Variants in PSMD2 observed in about 807,000 individuals in gnomAD.
The protein encoded by PSMD2 is proteasome 26S subunit ubiquitin receptor, non-ATPase 2.
In PSMD2, 8 loss-of-function variants were observed where a neutral mutation model predicts 101.5. The observed-to-expected ratio is 0.08, with a 90% CI of 0.05 to 0.14. The LOEUF is 0.14. Among genes scored for constraint, PSMD2 ranks in the 10% least tolerant of loss-of-function variants. The probability of loss-of-function intolerance (pLI) is 1.00; values close to 1 mark genes in which losing one functional copy is unlikely to be tolerated. For missense variants in PSMD2, 784 were observed against 1,147.4 expected (o/e 0.68, Z 4.58); for synonymous variants, 418 against 433.8 (o/e 0.96, Z 0.45).
At position 184,304,295 on chromosome 3, in the gene PSMD2, C is replaced by T. The variant is rs755631991; in HGVS notation, c.1452-9C>T. 1 of 1,614,064 alleles carries T rather than the reference C, an allele frequency of 6.2e-7. No individual in the cohort carries two copies. The highest frequency in any genetic ancestry group is 1.3e-5 in the African/African-American group (1 of 75,042). ...TGTGTTGGGGACCGCCTTTCCATGGCTTTTGCAGGCTAGGCTTGGCTTATG... is the reference window on the plus strand; with the variant it reads ...TGTGTTGGGGACCGCCTTTCCATGGTTTTTGCAGGCTAGGCTTGGCTTATG... On this transcript the variant is annotated splice_polypyrimidine_tract_variant and intron_variant, in intron 11 of 20. Coordinates refer to ENST00000310118, the MANE Select transcript of PSMD2 (RefSeq NM_002808.5). The surrounding 1 kb of genome is among the most constrained non-coding windows in gnomAD (Gnocchi z 4.1).
chr3:184,299,384 G>A lies in PSMD2; in HGVS notation c.118G>A (p.Asp40Asn), dbSNP rs905447773. 7.8e-5 allele frequency: 109 copies of A among 1,400,170 alleles called. No homozygotes were observed. The Admixed American group carries it at 8.1e-4, about 10-fold the overall frequency. The allele number at this position is 1,400,170 out of a possible 1,614,324, so 86.7% of individuals were successfully genotyped here. ...GGAGCGGCGGGATGCCGGGGACAAGGACAAAGAACAGGAGCTGGTGAGGCG... is the reference window on the plus strand; with the variant it reads ...GGAGCGGCGGGATGCCGGGGACAAGAACAAAGAACAGGAGCTGGTGAGGCG... The part of the protein sequence containing the change: ...GKERRDAGDK[D>N]KEQELSEEDK... The change falls in exon 1 of 21, where the codon GAC becomes AAC. Residue 40 changes from aspartate to asparagine, a missense_variant. By Grantham distance (23) the Asp-to-Asn change is conservative. This residue lies in a region of PSMD2 where 196 missense variants were observed against 182.4 expected (regional missense o/e 1.07). Transcript: ENST00000310118.
In PSMD2 at chr3:184,308,997, G is replaced by A. The variant is rs1721943989; in HGVS notation, c.*107G>A. ...ACTTCTGGGGGAATTGTCGCCTCCT[G>A]CTCTTTTGTTACTGAGTGAGATAAG... On this transcript the variant is annotated 3_prime_UTR_variant, in exon 21 of 21. Transcript: ENST00000310118. This position sits in a 1 kb window ranked among gnomAD's most constrained non-coding sequence, Gnocchi z 6.0. The A allele has an allele frequency of 8.5e-7, 1 of 1,179,436 alleles. No individual in the cohort carries two copies. Among genetic ancestry groups the A allele is most frequent in the Admixed American group, 2.2e-5 (1 of 44,602 alleles). 73.1% of individuals were successfully genotyped at this position (1,179,436 alleles called of 1,614,324 possible).
chr3:184,299,566 G>C (rs1721573036), intron 1 of PSMD2, 165 bp downstream of exon 1: 1 of 1,022,244 alleles, frequency 9.8e-7, no homozygotes, highest in Admixed American at 3.4e-5. Context: ...CTCATTCTCC[G>C]TTCCGCGCTG....
At chr3:184,305,479 C>A (rs1721799866) in intron 12 of PSMD2, among the ~76,000 whole-genome samples, 1 of 128,764 alleles carries the variant, frequency 7.8e-6, no homozygotes. Flanking sequence ...TAGAGCGAGA[C>A]TCTGTCTCAA....
At chr3:184,305,431 G>A (rs994945782) in intron 12 of PSMD2, among the ~76,000 whole-genome samples, 1 of 151,482 alleles carries the variant, frequency 6.6e-6, no homozygotes, top group African/African-American at 2.4e-5. Flanking sequence ...GGAGGTTGCG[G>A]TGAGCCAAAA....
chr3:184,302,019 G>C lies in PSMD2; in HGVS notation c.652G>C (p.Glu218Gln), dbSNP rs1273042885. The C allele has an allele frequency of 6.2e-7, 1 of 1,614,238 alleles. No homozygotes were observed. ...LMEIEQVDML[E>Q]KDIDENAYAK... ...GGAAATTGAGCAGGTGGACATGCTG[G>C]AGAAGGACATTGATGAAAATGCATA... The change falls in exon 5 of 21, where the codon GAG becomes CAG. Residue 218 changes from glutamate (E) to glutamine (Q), a missense_variant. Transcript: ENST00000310118.
rs769543169 is a variant in PSMD2, at chr3:184,307,873, C to T, written c.2299-17C>T. The T allele has an allele frequency of 3.1e-6, 5 of 1,613,900 alleles. No individual in the cohort carries two copies. The highest frequency in any genetic ancestry group is 1.7e-5 in the Admixed American group (1 of 59,990). On this transcript the variant is annotated splice_polypyrimidine_tract_variant and intron_variant, in intron 18 of 20. Coordinates refer to ENST00000310118, the MANE Select transcript of PSMD2 (RefSeq NM_002808.5). ...CAGTGGTAACTCCTCACCTCTACTT[C>T]CCTCTGTTTTTTTCAGGGCCTGACA...
Position 184,306,407 on chromosome 3 carries a change from A to T in PSMD2, c.1862A>T (p.Asp621Val). 6.2e-7 allele frequency: 1 copy of T among 1,614,108 alleles called. No individual in the cohort carries two copies. Among genetic ancestry groups the T allele is most frequent in the African/African-American group, 1.3e-5 (1 of 75,022 alleles). Residue 621 changes from aspartate (D) to valine (V), a missense_variant, in exon 15 of 21, where the codon GAC becomes GTC. Asp to Val is a radical substitution (Grantham distance 152, BLOSUM62 -3). Around this residue, in one of 6 missense-constraint regions of PSMD2, gnomAD observed 282 missense variants for 437.6 expected, o/e 0.64. Coordinates refer to ENST00000310118, the MANE Select transcript of PSMD2 (RefSeq NM_002808.5). ...CTCCACATTTGTAGCGAACACTTTG[A>T]CTCCAAAGAGAAGGAGGAAGACAAA... ...QLLHICSEHF[D>V]SKEKEEDKDK... is the part of the protein sequence containing the mutation.
intron 3 of PSMD2, 171 bp downstream of exon 3, chr3:184,300,615 C>A: frequency 7.1e-7 from 1 of 1,413,172 alleles, no homozygotes. Flanking sequence ...GGAAGGTCAG[C>A]TTCTCAGAAG....
rs147832884 is a variant in PSMD2, at chr3:184,305,779, C to G, written c.1551C>G (p.Val517=). 103 of 1,613,460 alleles carry G rather than the reference C, an allele frequency of 6.4e-5. No individual in the cohort carries two copies. The African/African-American group carries it at 1.1e-3, about 17-fold the overall frequency. Residue 517 remains valine, a synonymous_variant, in exon 13 of 21, where the codon GTC becomes GTG. Transcript: ENST00000310118. ...DSKSSMEVAG[V]TALACGMIAV... is the part of the protein sequence containing the mutation. Reference sequence around the variant, plus strand: ...TTTCCTACCTCTAGGTGGCAGGTGTCACAGCTTTAGCCTGTGGAATGATAG... The same window carrying G: ...TTTCCTACCTCTAGGTGGCAGGTGTGACAGCTTTAGCCTGTGGAATGATAG...
Position 184,308,359 on chromosome 3 carries a change from T to C in PSMD2, c.2426-90T>C. 9.3e-7 allele frequency: 1 copy of C among 1,076,286 alleles called. No homozygotes were observed. The highest frequency in any genetic ancestry group is 1.6e-5 in the African/African-American group (1 of 63,374). The allele number at this position is 1,076,286 out of a possible 1,614,324, so 66.7% of individuals were successfully genotyped here. A position where few individuals can be genotyped will look rare whatever the true frequency, so the allele number is the denominator to read the frequency against. ...GGATTCAGTCGTATGACTGACGGGT[T>C]AAAGGGTCAGCGCTGAGGTGGGCTC... is the stretch of plus-strand genomic sequence containing the variant. On this transcript the variant is annotated intron_variant, in intron 19 of 20. Transcript: ENST00000310118. This position sits in a 1 kb window ranked among gnomAD's most constrained non-coding sequence, Gnocchi z 6.0.
intron 1 of PSMD2, 195 bp downstream of exon 1, chr3:184,299,596 C>A: frequency 3.8e-6 from 3 of 798,328 alleles, no homozygotes; most frequent in South Asian, 4.5e-5. Flanking sequence ...CCGTCCCCAC[C>A]AACCCTCACC....
In PSMD2 at chr3:184,300,688, A is replaced by G. The variant is rs569154196; in HGVS notation, c.357+244A>G. On this transcript the variant is annotated intron_variant, in intron 3 of 20. Coordinates refer to ENST00000310118, the MANE Select transcript of PSMD2 (RefSeq NM_002808.5). ...CATTAGCATGGTCTACTTTTAACGT[A>G]TGTTTAACCTTGATTTTTCTCTTTT... 63 of 1,241,278 alleles carry G rather than the reference A, an allele frequency of 5.1e-5. No individual in the cohort carries two copies. The South Asian group carries it at 1.5e-3, about 29-fold the overall frequency. The allele number at this position is 1,241,278 out of a possible 1,614,324, so 76.9% of individuals were successfully genotyped here.
chr3:184,305,487 C>CAA (rs200304556), intron 12 of PSMD2, among the ~76,000 whole-genome samples: 19 of 112,010 alleles, frequency 1.7e-4, no homozygotes, highest in African/African-American at 3.7e-4. Flanking sequence ...GACTCTGTCT[C>CAA]AAAAAAAAAA....
Position 184,300,428 on chromosome 3 carries a change from C to T in PSMD2, c.341C>T (p.Ala114Val), listed in dbSNP as rs1721604086. 5.0e-6 allele frequency: 8 copies of T among 1,613,624 alleles called. No individual in the cohort carries two copies. Among genetic ancestry groups the T allele is most frequent in the South Asian group, 1.1e-5 (1 of 91,000 alleles). Residue 114 changes from alanine to valine, a missense_variant, in exon 3 of 21, where the codon GCC (alanine) becomes GTC (valine). Around this residue, in one of 6 missense-constraint regions of PSMD2, gnomAD observed 196 missense variants for 182.4 expected, o/e 1.07. Coordinates refer to ENST00000310118, the MANE Select transcript of PSMD2 (RefSeq NM_002808.5). ...CTGAAGGAAATCTATGAGAACATGG[C>T]CCCTGGGGAGAATAAGGTAAAACTG... ...GKLKEIYENM[A>V]PGENKRFAAD...
At chr3:184,306,315 A>G in intron 14 of PSMD2, 35 bp from the exon 15 acceptor site, 1 of 1,606,074 alleles carries the variant, frequency 6.2e-7, no homozygotes, top group Non-Finnish European at 8.5e-7. Context: ...GTAACTTCTC[A>G]TTTCTGTCCA....
At chr3:184,300,047 CA>C in intron 2 of PSMD2, 140 bp downstream of exon 2, 2 of 919,816 alleles carry the variant, frequency 2.2e-6, no homozygotes. Context: ...AGGAGAGTTA[CA>C]AAGGGTATTT....
In PSMD2 at chr3:184,305,782, A is replaced by G. The variant is rs755422765; in HGVS notation, c.1554A>G (p.Thr518=). 1.2e-5 allele frequency: 20 copies of G among 1,613,570 alleles called. No homozygotes were observed. The highest frequency in any genetic ancestry group is 3.3e-5 in the Admixed American group (2 of 59,924). The change falls in exon 13 of 21, where the codon ACA becomes ACG. Residue 518 remains threonine (T), a synonymous_variant. Transcript: ENST00000310118. ...CCTACCTCTAGGTGGCAGGTGTCAC[A>G]GCTTTAGCCTGTGGAATGATAGCAG... ...SKSSMEVAGV[T]ALACGMIAVG...
rs1721945857 is a variant in PSMD2 at position 184,309,041 on chromosome 3, T to G, written c.*151T>G. On this transcript the variant is annotated 3_prime_UTR_variant, in exon 21 of 21. Transcript: ENST00000310118. ...AGATAAGGTTGTTCAATAAAGACTT[T>G]TATCCCCAAGGTCTCTCTGTGTCTG... The G allele has an allele frequency of 2.5e-6, 2 of 810,854 alleles. No individual in the cohort carries two copies. Among genetic ancestry groups the G allele is most frequent in the Non-Finnish European group, 3.9e-6 (2 of 519,242 alleles). 50.2% of individuals were successfully genotyped at this position (810,854 alleles called of 1,614,324 possible).
Sources: allele counts gnomAD v4.1 joint callset (sites outside exome capture counted in the v4.1 genomes callset), GRCh38; gene constraint gnomAD v4.1.1; regional missense constraint gnomAD v4.1.1; non-coding constraint Gnocchi (gnomAD v3.1); transcripts MANE v1.5; gene names NCBI Gene and HGNC (gene_info 2026-07-23, HGNC 2026-07-21).